The following H3C6 variants were observed in gnomAD, a reference collection of about 807,000 sequenced individuals.
The protein encoded by H3C6 is H3 clustered histone 6.
A neutral mutation model predicts 8.0 loss-of-function variants in H3C6; 17 were observed. The ratio of observed to expected loss-of-function variants is 2.13; its 90% CI spans 1.46 to 3.19. The LOEUF (loss-of-function observed/expected upper bound fraction) is 3.19. Among genes scored for constraint, H3C6 ranks in the 30% most tolerant of loss-of-function variants. The probability of loss-of-function intolerance (pLI) is 0.00; values close to 1 mark genes in which losing one functional copy is unlikely to be tolerated. For missense variants in H3C6, 298 were observed against 193.8 expected (o/e 1.54, Z -3.19); for synonymous variants, 169 against 78.0 (o/e 2.17, Z -6.15).
At position 26,225,164 on chromosome 6, in the gene H3C6, A is replaced by C. The variant is rs1426545521; in HGVS notation, c.10A>C (p.Thr4Pro). 1 of 1,567,308 alleles carries C rather than the reference A, an allele frequency of 6.4e-7. No individual in the cohort carries two copies. Among genetic ancestry groups the C allele is most frequent in the Non-Finnish European group, 8.6e-7 (1 of 1,158,804 alleles). ...ACTTTGCAGATGAACTATGGCGCGTACTAAGCAGACGGCTCGTAAATCCAC... is the reference window on the plus strand; with the variant it reads ...ACTTTGCAGATGAACTATGGCGCGTCCTAAGCAGACGGCTCGTAAATCCAC... Reference protein sequence around the residue: MARTKQTARKSTGG... With the variant: MARPKQTARKSTGG... Residue 4 changes from threonine to proline, a missense_variant, in exon 1 of 1, where the codon ACT becomes CCT. Thr to Pro is a conservative substitution (Grantham distance 38). Coordinates refer to ENST00000614911, the MANE Select transcript of H3C6 (RefSeq NM_003532.3).
chr6:26,224,909 T>C (rs1236032198), upstream of H3C6: 3 of 384,578 alleles, frequency 7.8e-6, no homozygotes, highest in African/African-American at 2.1e-5. Context: ...CAGGTCATGG[T>C]CTACGTGAAA....
chr6:26,225,054 C>A, upstream of H3C6: 3 of 1,303,796 alleles, frequency 2.3e-6, no homozygotes, highest in South Asian at 3.4e-5. Flanking sequence ...ATTTAGCAAC[C>A]GATCACTAAC....
downstream of H3C6, chr6:26,225,824 A>T (rs1759534750): frequency 2.5e-6 from 1 of 406,092 alleles, no homozygotes; most frequent in Admixed American, 4.2e-5. Flanking sequence ...TTTGCTGTTC[A>T]GGCCCTCTGC....
chr6:26,226,067 T>G (rs1759551700), downstream of H3C6: 1 of 153,568 alleles, frequency 6.5e-6, no homozygotes, highest in African/African-American at 2.4e-5. Context: ...TCCACTAGTG[T>G]TTTGAGACCC....
At position 26,225,587 on chromosome 6, in the gene H3C6, A is replaced by G; in HGVS notation, c.*22A>G. On this transcript the variant is annotated 3_prime_UTR_variant, in exon 1 of 1. Transcript: ENST00000614911. ...GTGAATTGTTTTGAGTACAAACCTTAAATCCAAAGGCTCTTCTCAGAGCCA... is the reference window on the plus strand; with the variant it reads ...GTGAATTGTTTTGAGTACAAACCTTGAATCCAAAGGCTCTTCTCAGAGCCA... 1.2e-6 allele frequency: 2 copies of G among 1,600,576 alleles called. No individual in the cohort carries two copies. Among genetic ancestry groups the G allele is most frequent in the African/African-American group, 1.3e-5 (1 of 74,398 alleles).
At chr6:26,225,751 C>T (rs756892165), downstream of H3C6, 3 of 752,290 alleles carry the variant, frequency 4.0e-6, no homozygotes, top group Non-Finnish European at 6.1e-6. Flanking sequence ...TAAGCGCTCC[C>T]TCAGGTTTTC....
At chr6:26,224,797 G>GA (rs139262849), upstream of H3C6, 6,148 of 160,790 alleles carry the variant, frequency 0.038, 161 homozygotes, top group South Asian at 0.07. Context: ...GGAGATTTTG[G>GA]AAAAAAAATT....
At chr6:26,225,129 T>TGCAAAGTAA, upstream of H3C6, 1 of 1,527,830 alleles carries the variant, frequency 6.5e-7, no homozygotes. Flanking sequence ...CCAATCTTCC[T>TGCAAAGTAA]AACTCATTTA....
In H3C6 at chr6:26,225,177, C is replaced by T; in HGVS notation, c.23C>T (p.Ala8Val). The change falls in exon 1 of 1, where the codon GCT (alanine) becomes GTT (valine). Residue 8 changes from alanine (A) to valine (V), a missense_variant. Ala to Val is a moderately conservative substitution (Grantham distance 64). Transcript: ENST00000614911. ...ACTATGGCGCGTACTAAGCAGACGG[C>T]TCGTAAATCCACAGGCGGTAAAGCA... MARTKQT[A>V]RKSTGGKAPR... 1.9e-6 allele frequency: 3 copies of T among 1,576,758 alleles called. No individual in the cohort carries two copies. Among genetic ancestry groups the T allele is most frequent in the Non-Finnish European group, 2.6e-6 (3 of 1,163,384 alleles).
At chr6:26,224,984 C>T, upstream of H3C6, 1 of 675,230 alleles carries the variant, frequency 1.5e-6, no homozygotes, top group Non-Finnish European at 2.4e-6. Flanking sequence ...CCAAATTTAC[C>T]AATCAGAATC....
chr6:26,225,124 C>T (rs200686838), upstream of H3C6: 17 of 1,523,444 alleles, frequency 1.1e-5, no homozygotes, highest in Admixed American at 2.2e-5. Context: ...GCAAACCAAT[C>T]TTCCTAACTC....
chr6:26,225,054 C>T (rs1765595626), upstream of H3C6: 4 of 1,303,672 alleles, frequency 3.1e-6, no homozygotes, highest in South Asian at 3.4e-5. Context: ...ATTTAGCAAC[C>T]GATCACTAAC....
rs943408137 is a variant in H3C6 at position 26,225,561 on chromosome 6, C to T, written c.407C>T (p.Ala136Val). ...QLARRIRGER[A>V] The stretch of plus-strand genomic sequence containing the variant: ...GCCCGCCGCATTCGTGGGGAGAGGG[C>T]GTGAATTGTTTTGAGTACAAACCTT... Residue 136 changes from alanine to valine, a missense_variant, in exon 1 of 1, where the codon GCG (alanine) becomes GTG (valine). Physicochemically the swap from Ala to Val is moderately conservative, Grantham distance 64. Coordinates refer to ENST00000614911, the MANE Select transcript of H3C6 (RefSeq NM_003532.3). 1.2e-6 allele frequency: 2 copies of T among 1,612,388 alleles called. No homozygotes were observed. Among genetic ancestry groups the T allele is most frequent in the Non-Finnish European group, 1.7e-6 (2 of 1,179,130 alleles).
chr6:26,226,313 A>G (rs2113568767), downstream of H3C6: 1 of 152,174 alleles, frequency 6.6e-6, no homozygotes, highest in East Asian at 1.9e-4. Flanking sequence ...AGAAATCATG[A>G]GCCTTTTCAA....
chr6:26,226,062 T>C (rs1486410253), downstream of H3C6: 1 of 153,726 alleles, frequency 6.5e-6, no homozygotes, highest in Admixed American at 6.5e-5. Flanking sequence ...CTTACTCCAC[T>C]AGTGTTTTGA....
At chr6:26,225,745 C>A, downstream of H3C6, 1 of 794,192 alleles carries the variant, frequency 1.3e-6, no homozygotes, top group Non-Finnish European at 1.9e-6. Context: ...CAAATTTAAG[C>A]GCTCCCTCAG....
At chr6:26,224,501 T>C (rs56372675), upstream of H3C6, among the ~76,000 whole-genome samples, 8,641 of 152,356 alleles carry the variant, frequency 0.057, 284 homozygotes, top group South Asian at 0.089. Flanking sequence ...CTTGCCATTA[T>C]GTCTGGACGT....
chr6:26,225,538 C>G lies in H3C6; in HGVS notation c.384C>G (p.Ala128=), dbSNP rs1266528111. 2 of 1,613,920 alleles carry G rather than the reference C, an allele frequency of 1.2e-6. No individual in the cohort carries two copies. The highest frequency in any genetic ancestry group is 1.3e-5 in the African/African-American group (1 of 75,028). Reference sequence around the variant, plus strand: ...TCATGCCTAAAGACATCCAGCTTGCCCGCCGCATTCGTGGGGAGAGGGCGT... The same window carrying G: ...TCATGCCTAAAGACATCCAGCTTGCGCGCCGCATTCGTGGGGAGAGGGCGT... The part of the protein sequence containing the change: ...VTIMPKDIQL[A]RRIRGERA Residue 128 remains alanine (A), a synonymous_variant, in exon 1 of 1, where the codon GCC becomes GCG. Transcript: ENST00000614911.
upstream of H3C6, chr6:26,225,102 CTA>C (rs1765597419): frequency 2.0e-6 from 3 of 1,509,648 alleles, no homozygotes; most frequent in East Asian, 4.5e-5. Context: ...GATTCTGTTC[CTA>C]TATAGAGGGG....
Sources: gnomAD v4.1 joint callset for allele counts (sites outside exome capture counted in the v4.1 genomes callset) on GRCh38, gnomAD v4.1.1 for gene constraint, MANE v1.5 for transcripts, NCBI Gene and HGNC (gene_info 2026-07-23, HGNC 2026-07-21) for gene names.